ZNF676: variants seen among roughly 807,000 people sequenced by gnomAD.
ZNF676 encodes zinc finger protein 676.
Under a neutral mutation model 6.0 loss-of-function variants are expected in ZNF676, and 4 were observed. The observed-to-expected ratio is 0.67, with a 90% CI of 0.33 to 1.53. ZNF676 has a LOEUF of 1.53. ZNF676 is among the 40% of genes most tolerant of loss of function. The pLI is 0.06. For missense variants in ZNF676, 644 were observed against 679.7 expected, an observed-to-expected ratio of 0.95 and a Z score of 0.58; for synonymous variants, 198 against 223.1, an observed-to-expected ratio of 0.89 and a Z score of 1.00.
chr19:22,244,997 A>T, the ZNF676 span: 1 of 152,232 alleles, frequency 6.6e-6, no homozygotes, highest in Admixed American at 6.5e-5. Flanking sequence ...GGACCAAGCC[A>T]TATGTCACAA....
upstream of ZNF676, among the ~76,000 whole-genome samples, chr19:22,218,686 C>G (rs1033207830): frequency 4.6e-4 from 70 of 152,042 alleles, no homozygotes; most frequent in African/African-American, 1.5e-3. Flanking sequence ...TCCCAATTAT[C>G]CCAGTACCAT....
chr19:22,181,332 T>C lies in ZNF676; in HGVS notation c.385A>G (p.Asn129Asp). ...CCAGTATGCCTTATCTTATGTCTGT[T>C]TGAATTTGAACATTTATGAAAGACG... ...ANVFHKCSNS[N>D]RHKIRHTGEK... Residue 129 changes from asparagine to aspartate, a missense_variant, in exon 3 of 3, where the codon AAC becomes GAC. Coordinates refer to ENST00000397121, the MANE Select transcript of ZNF676 (RefSeq NM_001001411.3). The C allele has an allele frequency of 6.2e-7, 1 of 1,613,772 alleles. No homozygotes were observed. Among genetic ancestry groups the C allele is most frequent in the Non-Finnish European group, 8.5e-7 (1 of 1,179,766 alleles).
In ZNF676 at chr19:22,180,347, G is replaced by T; in HGVS notation, c.1370C>A (p.Ala457Asp). Residue 457 changes from alanine (A) to aspartate (D), a missense_variant, in exon 3 of 3, where the codon GCC (alanine) becomes GAC (aspartate). Ala to Asp is a moderately radical substitution (Grantham distance 126). This residue lies in a region of ZNF676 where 306 missense variants were observed against 265.4 expected (regional missense o/e 1.15). Transcript: ENST00000397121. ...KPYKCEECGK[A>D]FTWSSSFTKH... ...AGTAAAGCTTGAGGACCAGGTGAAGGCTTTGCCACATTCTTCACATTTGTA... is the reference window on the plus strand; with the variant it reads ...AGTAAAGCTTGAGGACCAGGTGAAGTCTTTGCCACATTCTTCACATTTGTA... 6.2e-7 allele frequency: 1 copy of T among 1,613,630 alleles called. No homozygotes were observed. Among genetic ancestry groups the T allele is most frequent in the South Asian group, 1.1e-5 (1 of 91,054 alleles).
upstream of ZNF676, among the ~76,000 whole-genome samples, chr19:22,216,085 A>C (rs1035183975): frequency 6.6e-6 from 1 of 152,240 alleles, no homozygotes; most frequent in Non-Finnish European, 1.5e-5. Flanking sequence ...CATGTTAATA[A>C]TACATAAAAC....
the ZNF676 span, among the ~76,000 whole-genome samples, chr19:22,226,177 T>A: frequency 3.3e-5 from 5 of 152,148 alleles, no homozygotes. Flanking sequence ...GATATTATCT[T>A]TTCTCTATTG....
At chr19:22,182,200 CA>C (rs952863262) in intron 2 of ZNF676, among the ~76,000 whole-genome samples, 2 of 151,966 alleles carry the variant, frequency 1.3e-5, no homozygotes, top group African/African-American at 4.8e-5. Context: ...AAAATAAACA[CA>C]AAATTTCAGA....
At chr19:22,231,236 CA>C in the ZNF676 span, among the ~76,000 whole-genome samples, 1 of 149,856 alleles carries the variant, frequency 6.7e-6, no homozygotes, top group African/African-American at 2.5e-5. Context: ...ATATGCAAAA[CA>C]AAATAAGGAA....
chr19:22,191,276 G>A (rs932209253), intron 2 of ZNF676, among the ~76,000 whole-genome samples: 4 of 152,124 alleles, frequency 2.6e-5, no homozygotes, highest in Non-Finnish European at 5.9e-5. Flanking sequence ...CAAACTAGAG[G>A]ACCCCTGCTC....
At chr19:22,223,619 T>C in the ZNF676 span, among the ~76,000 whole-genome samples, 1 of 152,068 alleles carries the variant, frequency 6.6e-6, no homozygotes, top group African/African-American at 2.4e-5. Context: ...ACATTTAGGA[T>C]AATATGTTAG....
upstream of ZNF676, among the ~76,000 whole-genome samples, chr19:22,218,435 G>A (rs2024215526): frequency 6.6e-6 from 1 of 151,810 alleles, no homozygotes; most frequent in African/African-American, 2.4e-5. Flanking sequence ...CCGGGTTCAA[G>A]CAATTCTCTG....
chr19:22,252,443 A>C, the ZNF676 span, among the ~76,000 whole-genome samples: 1 of 151,936 alleles, frequency 6.6e-6, no homozygotes, highest in Non-Finnish European at 1.5e-5. Flanking sequence ...AAAGAAAAAA[A>C]AAAAAGAAGA....
chr19:22,227,532 G>A, the ZNF676 span, among the ~76,000 whole-genome samples: 1 of 152,106 alleles, frequency 6.6e-6, no homozygotes, highest in Non-Finnish European at 1.5e-5. Flanking sequence ...GAAGGAGATA[G>A]AGACACAAAA....
In ZNF676 at chr19:22,196,253, T is replaced by C. The variant is rs1385028563; in HGVS notation, c.34+347A>G. On this transcript the variant is annotated intron_variant, in intron 1 of 2. Coordinates refer to ENST00000397121, the MANE Select transcript of ZNF676 (RefSeq NM_001001411.3). ...CTTCTGCTCCTGCCACCAGAAGGTA[T>C]ACTGAGGACAGTCACTCCCTGGTGC... Among the ~76,000 whole-genome samples, 4 of 152,230 alleles carry C rather than the reference T, an allele frequency of 2.6e-5. No individual in the cohort carries two copies. In the East Asian group the frequency reaches 5.8e-4, roughly 22 times the overall value.
chr19:22,252,044 C>T, the ZNF676 span, among the ~76,000 whole-genome samples: 11 of 152,090 alleles, frequency 7.2e-5, no homozygotes, highest in African/African-American at 2.7e-4. Flanking sequence ...CTTAATTTTG[C>T]AGATATCAAC....
chr19:22,196,774 G>T lies in ZNF676; in HGVS notation c.-141C>A. ...TATATTTACCAATTGGTCATGGGCAGAACTTTTAATGTGACTCAAGGTAAA... is the reference window on the plus strand; with the variant it reads ...TATATTTACCAATTGGTCATGGGCATAACTTTTAATGTGACTCAAGGTAAA... On this transcript the variant is annotated 5_prime_UTR_variant, in exon 1 of 3. It adds an upstream start codon to the 5' untranslated region. Coordinates refer to ENST00000397121, the MANE Select transcript of ZNF676 (RefSeq NM_001001411.3). 6.6e-7 allele frequency: 1 copy of T among 1,511,500 alleles called. No individual in the cohort carries two copies. The highest frequency in any genetic ancestry group is 9.1e-7 in the Non-Finnish European group (1 of 1,095,950). 93.6% of individuals were successfully genotyped at this position (1,511,500 alleles called of 1,614,324 possible).
At chr19:22,256,326 T>G in the ZNF676 span, among the ~76,000 whole-genome samples, 1 of 151,766 alleles carries the variant, frequency 6.6e-6, no homozygotes, top group Non-Finnish European at 1.5e-5. Context: ...TATTCCCCGC[T>G]AGAAGGGACC....
the ZNF676 span, among the ~76,000 whole-genome samples, chr19:22,231,690 C>T: frequency 1.3e-5 from 2 of 151,260 alleles, no homozygotes; most frequent in East Asian, 2.0e-4. Flanking sequence ...GCAACCTCTG[C>T]CTCCTGGGTC....
the ZNF676 span, among the ~76,000 whole-genome samples, chr19:22,248,684 A>C: frequency 1.2e-4 from 18 of 151,800 alleles, no homozygotes; most frequent in Non-Finnish European, 1.2e-4. Context: ...TTTCTTTCTT[A>C]TCTTTTCTGT....
At chr19:22,221,828 A>C in the ZNF676 span, among the ~76,000 whole-genome samples, 824 of 152,232 alleles carry the variant, frequency 5.4e-3, 5 homozygotes, top group African/African-American at 0.019. Flanking sequence ...TGATGAAAAG[A>C]ATGTATATTC....
Sources: allele counts gnomAD v4.1 joint callset (sites outside exome capture counted in the v4.1 genomes callset), GRCh38; gene constraint gnomAD v4.1.1; regional missense constraint gnomAD v4.1.1; transcripts MANE v1.5; gene names NCBI Gene and HGNC (gene_info 2026-07-23, HGNC 2026-07-21).